SRGAP1: variants seen among roughly 807,000 people sequenced by gnomAD.
SRGAP1 encodes SLIT-ROBO Rho GTPase-activating protein 1.
In SRGAP1, 43 loss-of-function variants were observed where a neutral mutation model predicts 121.9. The ratio of observed to expected loss-of-function variants is 0.35; its 90% CI spans 0.28 to 0.46. The LOEUF (loss-of-function observed/expected upper bound fraction) is 0.46. SRGAP1 is among the 20% of genes least tolerant of loss of function. The pLI, the probability that SRGAP1 is intolerant of heterozygous loss-of-function variation, is 1.00. For synonymous variants in SRGAP1, 447 were observed against 485.4 expected (o/e 0.92, Z 1.04); for missense variants, 1,102 against 1,350.9 (o/e 0.82, Z 2.89).
rs2037107263 is a variant in SRGAP1, at chr12:64,150,620, G to A, written c.*7948G>A. 1 of 113,288 alleles carries A rather than the reference G, an allele frequency of 8.8e-6. No individual in the cohort carries two copies. Among genetic ancestry groups the A allele is most frequent in the Admixed American group, 8.8e-5 (1 of 11,322 alleles). The allele number at this position is 113,288 out of a possible 1,614,324, so 7.0% of individuals were successfully genotyped here. On this transcript the variant is annotated 3_prime_UTR_variant, in exon 22 of 22. Transcript: ENST00000355086. ...TGACATTAACTCAAAAATGAAGTTT[G>A]AGGTTCTGGGCCTTTGATGGACTGC...
chr12:63,948,770 A>G (rs1036129673), intron 1 of SRGAP1, among the ~76,000 whole-genome samples: 1 of 147,874 alleles, frequency 6.8e-6, no homozygotes, highest in African/African-American at 2.5e-5. Context: ...TTCCATGTAT[A>G]TATATATTCC....
chr12:63,899,617 G>GA lies in SRGAP1; in HGVS notation c.67+54736dup, dbSNP rs554895760. Among the ~76,000 whole-genome samples, 69 of 152,270 alleles carry GA rather than the reference G, an allele frequency of 4.5e-4. 1 individual carries two copies. The highest frequency in any genetic ancestry group is 1.3e-3 in the African/African-American group (53 of 41,538). On this transcript the variant is annotated intron_variant, in intron 1 of 21. Transcript: ENST00000355086. Reference sequence around the variant, plus strand: ...TAACACCTCCGCGTTTGCCTTATTTGAACATGGTTTGAACAGCTGGCCACC... The same window carrying GA: ...TAACACCTCCGCGTTTGCCTTATTTGAAACATGGTTTGAACAGCTGGCCACC...
At chr12:64,060,832 G>T (rs1593088945) in intron 6 of SRGAP1, among the ~76,000 whole-genome samples, 1 of 152,138 alleles carries the variant, frequency 6.6e-6, no homozygotes, top group South Asian at 2.1e-4. Context: ...CCAACGGACA[G>T]CTTATGTTCA....
chr12:63,944,657 A>G (rs1322675511), intron 1 of SRGAP1, among the ~76,000 whole-genome samples: 5 of 152,180 alleles, frequency 3.3e-5, no homozygotes, highest in South Asian at 2.1e-4. Context: ...TCTGCTATGT[A>G]AACAGGTTTG....
intron 4 of SRGAP1, among the ~76,000 whole-genome samples, chr12:64,034,275 C>T (rs939400193): frequency 2.0e-5 from 3 of 152,036 alleles, no homozygotes; most frequent in Non-Finnish European, 2.9e-5. Context: ...CCCCCTTTGC[C>T]CTCTTCCTCC....
intron 8 of SRGAP1, among the ~76,000 whole-genome samples, chr12:64,070,831 C>T (rs1297822020): frequency 6.6e-6 from 1 of 152,114 alleles, no homozygotes; most frequent in East Asian, 1.9e-4. Flanking sequence ...ATCACATTTT[C>T]CCCCCAAATT....
chr12:64,003,002 T>TG (rs144156186), intron 3 of SRGAP1, among the ~76,000 whole-genome samples: 2,143 of 132,216 alleles, frequency 0.016, 66 homozygotes, highest in African/African-American at 0.054. Context: ...ACAAAGATCT[T>TG]GGGGGGGGTG....
chr12:63,990,288 C>A (rs962971600), intron 3 of SRGAP1, among the ~76,000 whole-genome samples: 2 of 152,182 alleles, frequency 1.3e-5, no homozygotes, highest in Non-Finnish European at 2.9e-5. Context: ...AATCCCAGCA[C>A]TTTGGGAGGC....
intron 2 of SRGAP1, among the ~76,000 whole-genome samples, chr12:63,987,434 T>C (rs2033446498): frequency 6.6e-6 from 1 of 152,072 alleles, no homozygotes; most frequent in South Asian, 2.1e-4. Flanking sequence ...ATAGAAAAGA[T>C]ACAAAGGGTC....
At chr12:63,992,525 G>T (rs34130529) in intron 3 of SRGAP1, among the ~76,000 whole-genome samples, 1 of 152,190 alleles carries the variant, frequency 6.6e-6, no homozygotes, top group Admixed American at 6.5e-5. Context: ...TTGGAGTGAG[G>T]CAGCTCCCTT....
At chr12:63,945,267 G>T (rs1358029171) in intron 1 of SRGAP1, among the ~76,000 whole-genome samples, 6 of 144,956 alleles carry the variant, frequency 4.1e-5, no homozygotes, top group Non-Finnish European at 9.1e-5. Context: ...CTTTCTGTTT[G>T]TTTTTTTTTT....
At chr12:64,090,920 C>G (rs1390147278) in intron 11 of SRGAP1, among the ~76,000 whole-genome samples, 3 of 152,130 alleles carry the variant, frequency 2.0e-5, no homozygotes, top group African/African-American at 2.4e-5. Flanking sequence ...ATCTTTATGA[C>G]CGGTTGTATC....
intron 1 of SRGAP1, among the ~76,000 whole-genome samples, chr12:63,890,071 A>G (rs1448973436): frequency 6.6e-6 from 1 of 152,018 alleles, no homozygotes; most frequent in South Asian, 2.1e-4. Context: ...CTGCAGATTC[A>G]CATTTATCAT....
intron 1 of SRGAP1, among the ~76,000 whole-genome samples, chr12:63,929,576 T>A (rs1382253878): frequency 2.0e-5 from 2 of 101,042 alleles, no homozygotes. Context: ...CCCCCACGAG[T>A]TTTTTTTTTT....
intron 6 of SRGAP1, among the ~76,000 whole-genome samples, chr12:64,059,443 G>A (rs1217429153): frequency 6.6e-6 from 1 of 151,834 alleles, no homozygotes; most frequent in Non-Finnish European, 1.5e-5. Flanking sequence ...GGGAGGTGGA[G>A]GCTTTTCTCC....
At chr12:64,095,477 A>G (rs966879797) in intron 14 of SRGAP1, among the ~76,000 whole-genome samples, 8 of 152,132 alleles carry the variant, frequency 5.3e-5, no homozygotes, top group African/African-American at 9.7e-5. Context: ...GTGGGGCCGA[A>G]AGAGTTCTGG....
intron 11 of SRGAP1, among the ~76,000 whole-genome samples, chr12:64,087,945 G>A (rs969359535): frequency 5.3e-5 from 8 of 152,246 alleles, no homozygotes; most frequent in East Asian, 3.9e-4. Context: ...ATTTGGGTTC[G>A]GGAAAGTTTG....
At chr12:64,082,483 T>G (rs996862062) in intron 10 of SRGAP1, among the ~76,000 whole-genome samples, 1 of 151,012 alleles carries the variant, frequency 6.6e-6, no homozygotes, top group Non-Finnish European at 1.5e-5. Flanking sequence ...GGAGTTTCAC[T>G]GTCATCGCCC....
chr12:63,906,647 T>C (rs1467228757), intron 1 of SRGAP1, among the ~76,000 whole-genome samples: 1 of 152,182 alleles, frequency 6.6e-6, no homozygotes, highest in Non-Finnish European at 1.5e-5. Context: ...TACCTGTTGT[T>C]GGATATTAGA....
Sources: gnomAD v4.1 joint callset for allele counts (sites outside exome capture counted in the v4.1 genomes callset) on GRCh38, gnomAD v4.1.1 for gene constraint, MANE v1.5 for transcripts, NCBI Gene and HGNC (gene_info 2026-07-23, HGNC 2026-07-21) for gene names.